Variants in DCHS1 observed in about 807,000 individuals in gnomAD.
DCHS1 encodes dachsous cadherin-related 1, also known as protocadherin-16.
Under a neutral mutation model 213.9 loss-of-function variants are expected in DCHS1, and 78 were observed. That is an observed-to-expected ratio of 0.36 (90% CI 0.30 to 0.44). The LOEUF (loss-of-function observed/expected upper bound fraction) is 0.44. Among genes scored for constraint, DCHS1 ranks in the 20% least tolerant of loss-of-function variants. DCHS1 has a pLI of 1.00. For synonymous variants in DCHS1, 1,828 were observed against 1,873.7 expected (o/e 0.98, Z 0.63); for missense variants, 3,946 against 4,395.9 (o/e 0.90, Z 2.89).
At chr11:6,653,689 T>C (rs1856276356) in intron 1 of DCHS1, among the ~76,000 whole-genome samples, 2 of 152,150 alleles carry the variant, frequency 1.3e-5, no homozygotes. Flanking sequence ...TGAGAAATCA[T>C]TCTAGTTAGG....
At position 6,623,010 on chromosome 11, in the gene DCHS1, C is replaced by T. The variant is rs372734296; in HGVS notation, c.8666G>A (p.Arg2889Gln). 135 of 1,571,174 alleles carry T rather than the reference C, an allele frequency of 8.6e-5. No individual in the cohort carries two copies. Among genetic ancestry groups the T allele is most frequent in the Non-Finnish European group, 1.1e-4 (124 of 1,158,818 alleles). The stretch of plus-strand genomic sequence containing the variant: ...CTCCCGTGGTGCTTCCCGCCGGGTC[C>T]GGCCCCCACCCCCAGAGGTGGCTGT... ...SGTATSGGGG[R>Q]TRREAPRELR... The change falls in exon 21 of 21, where the codon CGG becomes CAG. Residue 2889 changes from arginine to glutamine, a missense_variant. Around this residue, in one of 3 missense-constraint regions of DCHS1, gnomAD observed 554 missense variants for 590.2 expected, o/e 0.94. Transcript: ENST00000299441.
Position 6,624,160 on chromosome 11 carries a change from C to CTG in DCHS1, c.7515_7516insCA (p.Ala2506GlnfsTer56). On this transcript the variant is annotated frameshift_variant, in exon 21 of 21. Coordinates refer to ENST00000299441, the MANE Select transcript of DCHS1 (RefSeq NM_003737.4). LOFTEE classifies it high-confidence loss of function. ...CTGCGGCTTCCATCAGCATCTGTAG[C>CTG]CTCCAGGGTGAGCAGAGTGGAGCCA... 9 of 1,612,836 alleles carry CTG rather than the reference C, an allele frequency of 5.6e-6. No individual in the cohort carries two copies. The highest frequency in any genetic ancestry group is 7.6e-6 in the Non-Finnish European group (9 of 1,179,550).
In DCHS1 at chr11:6,626,522, C is replaced by G; in HGVS notation, c.6364+30G>C. On this transcript the variant is annotated intron_variant, in intron 15 of 20. Coordinates refer to ENST00000299441, the MANE Select transcript of DCHS1 (RefSeq NM_003737.4). This position sits in a 1 kb window ranked among gnomAD's most constrained non-coding sequence, Gnocchi z 5.2. ...GAACCTGCTTCCCCAGTAGCCTGTCCTGCACAGAGCCCCTGCTCCTATTTC... is the reference window on the plus strand; with the variant it reads ...GAACCTGCTTCCCCAGTAGCCTGTCGTGCACAGAGCCCCTGCTCCTATTTC... 6.2e-7 allele frequency: 1 copy of G among 1,612,002 alleles called. No individual in the cohort carries two copies. The highest frequency in any genetic ancestry group is 8.5e-7 in the Non-Finnish European group (1 of 1,178,256).
At chr11:6,654,266 G>C (rs1007530622) in intron 1 of DCHS1, among the ~76,000 whole-genome samples, 4 of 152,172 alleles carry the variant, frequency 2.6e-5, no homozygotes, top group Admixed American at 2.6e-4. Flanking sequence ...AAGGGCAACT[G>C]TGGCACAGCC....
chr11:6,643,485 C>T (rs1196265240), intron 1 of DCHS1, among the ~76,000 whole-genome samples: 2 of 152,156 alleles, frequency 1.3e-5, no homozygotes, highest in African/African-American at 4.8e-5. Context: ...ATCACTGGCT[C>T]CTTGAAATCT....
rs1855842997 is a variant in DCHS1, at chr11:6,628,281, A to G, written c.5371+340T>C. On this transcript the variant is annotated intron_variant, in intron 13 of 20. Coordinates refer to ENST00000299441, the MANE Select transcript of DCHS1 (RefSeq NM_003737.4). This position sits in a 1 kb window ranked among gnomAD's most constrained non-coding sequence, Gnocchi z 4.3. ...CATCATCTCAGTTTTATTATCTAAT[A>G]CAGTAAATACTGATATAATCCACAT... is the stretch of plus-strand genomic sequence containing the variant. Among the ~76,000 whole-genome samples the G allele has an allele frequency of 6.6e-6, 1 of 152,240 alleles. No individual in the cohort carries two copies. Among genetic ancestry groups the G allele is most frequent in the Admixed American group, 6.5e-5 (1 of 15,288 alleles).
chr11:6,621,917 G>C lies in DCHS1; in HGVS notation c.9759C>G (p.Ser3253Arg), dbSNP rs758004006. The C allele has an allele frequency of 1.2e-5, 20 of 1,613,242 alleles. No individual in the cohort carries two copies. Among genetic ancestry groups the C allele is most frequent in the Non-Finnish European group, 1.2e-5 (14 of 1,179,634 alleles). The change falls in exon 21 of 21, where the codon AGC becomes AGG. Residue 3253 changes from serine to arginine, a missense_variant. Around this residue, in one of 3 missense-constraint regions of DCHS1, gnomAD observed 554 missense variants for 590.2 expected, o/e 0.94. Transcript: ENST00000299441. The part of the protein sequence containing the change: ...GSLSSAAMSP[S>R]FSPSLSPLAA... ...CCAGAGGAGACAGAGAGGGTGAGAA[G>C]CTGGGGGACATGGCAGCTGAGGACA...
At position 6,621,850 on chromosome 11, in the gene DCHS1, C is replaced by T. The variant is rs1855696502; in HGVS notation, c.9826G>A (p.Gly3276Ser). The change falls in exon 21 of 21, where the codon GGT becomes AGT. Residue 3276 changes from glycine (G) to serine (S), a missense_variant. Coordinates refer to ENST00000299441, the MANE Select transcript of DCHS1 (RefSeq NM_003737.4). ...PVVSPFGVAQ[G>S]PSASALSAES... Reference sequence around the variant, plus strand: ...GCGCTGAGTGCTGAGGCTGAGGGACCCTGGGCCACCCCAAATGGTGAGACA... The same window carrying T: ...GCGCTGAGTGCTGAGGCTGAGGGACTCTGGGCCACCCCAAATGGTGAGACA... 6.2e-7 allele frequency: 1 copy of T among 1,610,738 alleles called. No individual in the cohort carries two copies. Among genetic ancestry groups the T allele is most frequent in the South Asian group, 1.1e-5 (1 of 90,358 alleles).
In DCHS1 at chr11:6,633,414, G is replaced by A; in HGVS notation, c.2453C>T (p.Pro818Leu). 6.4e-7 allele frequency: 1 copy of A among 1,554,218 alleles called. No homozygotes were observed. The highest frequency in any genetic ancestry group is 8.7e-7 in the Non-Finnish European group (1 of 1,148,260). The change falls in exon 5 of 21, where the codon CCA becomes CTA. Residue 818 changes from proline to leucine, a missense_variant and splice_region_variant. By Grantham distance (98) the Pro-to-Leu change is moderately conservative. This residue lies in a region of DCHS1 where 3,384 missense variants were observed against 3,780.1 expected (regional missense o/e 0.90). Coordinates refer to ENST00000299441, the MANE Select transcript of DCHS1 (RefSeq NM_003737.4). ...GTGGGTATAAAGCTAAATGATACCT[G>A]GTGGGTTGTGTGCCTGGACTATGCC... ...SVGIVQAHNP[P>L]GRLAPVTLSL... is the part of the protein sequence containing the mutation.
chr11:6,647,776 A>C lies in DCHS1; in HGVS notation c.-120-6043T>G, dbSNP rs1856185809. On this transcript the variant is annotated intron_variant, in intron 1 of 20. Coordinates refer to ENST00000299441, the MANE Select transcript of DCHS1 (RefSeq NM_003737.4). The stretch of plus-strand genomic sequence containing the variant: ...AGATTCAGGGAGGAGAGAAAGATGG[A>C]GAGAATAAGAAATTACAGGGAAGTT... Among the ~76,000 whole-genome samples the C allele has an allele frequency of 3.9e-5, 6 of 152,246 alleles. 1 individual carries two copies. In the South Asian group the frequency reaches 1.2e-3, roughly 31 times the overall value.
At chr11:6,637,811 A>G (rs1211853585) in intron 2 of DCHS1, among the ~76,000 whole-genome samples, 5 of 152,098 alleles carry the variant, frequency 3.3e-5, no homozygotes, top group Admixed American at 2.0e-4. Context: ...TAAACTCCTT[A>G]AGATGAGGGG....
chr11:6,625,338 G>A lies in DCHS1; in HGVS notation c.7006C>T (p.Pro2336Ser), dbSNP rs376666027. 5 of 1,613,686 alleles carry A rather than the reference G, an allele frequency of 3.1e-6. No individual in the cohort carries two copies. The highest frequency in any genetic ancestry group is 4.5e-5 in the East Asian group (2 of 44,896). ...CGGTCACACTGCTCAAAGTCCAGGGGCCCCGTGAGGGAGACACGGCCTCCA... is the reference window on the plus strand; with the variant it reads ...CGGTCACACTGCTCAAAGTCCAGGGACCCCGTGAGGGAGACACGGCCTCCA... ...RYGGRVSLTG[P>S]LDFEQCDRYQ... The change falls in exon 19 of 21, where the codon CCC becomes TCC. Residue 2336 changes from proline (P) to serine (S), a missense_variant. Physicochemically the swap from Pro to Ser is moderately conservative, Grantham distance 74. This residue lies in a region of DCHS1 where 3,384 missense variants were observed against 3,780.1 expected (regional missense o/e 0.90). Transcript: ENST00000299441. The surrounding 1 kb of genome is among the most constrained non-coding windows in gnomAD (Gnocchi z 5.3).
At position 6,626,485 on chromosome 11, in the gene DCHS1, C is replaced by A; in HGVS notation, c.6364+67G>T. The A allele has an allele frequency of 6.2e-7, 1 of 1,605,730 alleles. No individual in the cohort carries two copies. The highest frequency in any genetic ancestry group is 1.3e-5 in the African/African-American group (1 of 74,820). ...ACAGCCCTTCACCCATCAAAGGCTC[C>A]TCTGATGCAAAGAACCTGCTTCCCC... On this transcript the variant is annotated intron_variant, in intron 15 of 20. Transcript: ENST00000299441. This position sits in a 1 kb window ranked among gnomAD's most constrained non-coding sequence, Gnocchi z 5.2.
Position 6,643,502 on chromosome 11 carries a change from C to T in DCHS1, c.-120-1769G>A, listed in dbSNP as rs114375328. Among the ~76,000 whole-genome samples the T allele has an allele frequency of 3.6e-3, 545 of 152,234 alleles. 4 individuals are homozygous for T. Among genetic ancestry groups the T allele is most frequent in the African/African-American group, 0.012 (514 of 41,518 alleles). On this transcript the variant is annotated intron_variant, in intron 1 of 20. Coordinates refer to ENST00000299441, the MANE Select transcript of DCHS1 (RefSeq NM_003737.4). ...CACTGGCTCCTTGAAATCTCTTCTC[C>T]TCGGTTTCACACTGTGACCCCCACC...
Position 6,626,245 on chromosome 11 carries a change from T to C in DCHS1, c.6500A>G (p.Asn2167Ser), listed in dbSNP as rs1387568838. The C allele has an allele frequency of 4.3e-6, 7 of 1,612,270 alleles. No homozygotes were observed. In the African/African-American group the frequency reaches 6.7e-5, roughly 15 times the overall value. Residue 2167 changes from asparagine (N) to serine (S), a missense_variant, in exon 16 of 21, where the codon AAT becomes AGT. Coordinates refer to ENST00000299441, the MANE Select transcript of DCHS1 (RefSeq NM_003737.4). The surrounding 1 kb of genome is among the most constrained non-coding windows in gnomAD (Gnocchi z 5.2). ...ATGGGGCCGCAGGAAACGGGGAGCA[T>C]TGTCGTTGGCATCTTGCAGGGTCAG... ...LTLTLQDAND[N>S]APRFLRPHYV...
chr11:6,636,003 C>G (rs1259185435), intron 2 of DCHS1, among the ~76,000 whole-genome samples: 1 of 152,178 alleles, frequency 6.6e-6, no homozygotes, highest in Non-Finnish European at 1.5e-5. Context: ...TCCCATTCTG[C>G]CCCAAAGCCA....
In DCHS1 at chr11:6,626,500, C is replaced by T; in HGVS notation, c.6364+52G>A. 6.2e-7 allele frequency: 1 copy of T among 1,607,798 alleles called. No individual in the cohort carries two copies. The highest frequency in any genetic ancestry group is 1.7e-5 in the Admixed American group (1 of 59,806). The stretch of plus-strand genomic sequence containing the variant: ...TCAAAGGCTCCTCTGATGCAAAGAA[C>T]CTGCTTCCCCAGTAGCCTGTCCTGC... On this transcript the variant is annotated intron_variant, in intron 15 of 20. Transcript: ENST00000299441. The surrounding 1 kb of genome is among the most constrained non-coding windows in gnomAD (Gnocchi z 5.2).
In DCHS1 at chr11:6,623,493, A is replaced by G. The variant is rs1354113251; in HGVS notation, c.8183T>C (p.Leu2728Pro). The change falls in exon 21 of 21, where the codon CTG (leucine) becomes CCG (proline). Residue 2728 changes from leucine to proline, a missense_variant. This residue lies in a region of DCHS1 where 3,384 missense variants were observed against 3,780.1 expected (regional missense o/e 0.90). Transcript: ENST00000299441. The part of the protein sequence containing the change: ...NQPPGTLVTT[L>P]HAIDGDAGAF... ...CCCAGCATCCCCGTCGATTGCATGC[A>G]GAGTGGTCACGAGAGTGCCTGGAGG... 3 of 1,594,510 alleles carry G rather than the reference A, an allele frequency of 1.9e-6. No homozygotes were observed. The highest frequency in any genetic ancestry group is 2.6e-6 in the Non-Finnish European group (3 of 1,170,594).
chr11:6,624,897 C>T (rs747935543), intron 19 of DCHS1, 29 bp from the exon 20 acceptor site: 2 of 1,612,012 alleles, frequency 1.2e-6, no homozygotes, highest in African/African-American at 1.3e-5. Flanking sequence ...TGCTTATTGC[C>T]AGGCTTCCCA....
Sources: gnomAD v4.1 joint callset for allele counts (sites outside exome capture counted in the v4.1 genomes callset) on GRCh38, gnomAD v4.1.1 for gene constraint, gnomAD v4.1.1 regional missense constraint, Gnocchi (gnomAD v3.1) non-coding constraint, MANE v1.5 for transcripts, NCBI Gene and HGNC (gene_info 2026-07-23, HGNC 2026-07-21) for gene names.